The following UBE3B variants were observed in gnomAD, a reference collection of about 807,000 sequenced individuals.
UBE3B encodes ubiquitin-protein ligase E3B.
UBE3B carries 80 observed loss-of-function variants against 132.3 expected under a neutral mutation model. The ratio of observed to expected loss-of-function variants is 0.60; its 90% CI spans 0.50 to 0.73. The LOEUF (loss-of-function observed/expected upper bound fraction) is 0.73, where lower values mean the gene tolerates loss of function less well. Among genes scored for constraint, UBE3B ranks in the 30% least tolerant of loss-of-function variants. The probability of loss-of-function intolerance (pLI) is 0.00; values close to 1 mark genes in which losing one functional copy is unlikely to be tolerated. For missense variants in UBE3B, 1,196 were observed against 1,362.5 expected, an observed-to-expected ratio of 0.88 and a Z score of 1.92; for synonymous variants, 487 against 520.4, an observed-to-expected ratio of 0.94 and a Z score of 0.87.
At chr12:109,480,650 T>TAA (rs35317381) in intron 1 of UBE3B, among the ~76,000 whole-genome samples, 57 of 142,568 alleles carry the variant, frequency 4.0e-4, no homozygotes, top group Middle Eastern at 7.4e-3. Flanking sequence ...GACCCTGCCT[T>TAA]AAAAAAAAAA....
Position 109,513,294 on chromosome 12 carries a change from GTGGCCACTGGAGGTGC to G in UBE3B, c.1956+1994_1956+2009del, listed in dbSNP as rs370887582. On this transcript the variant is annotated intron_variant, in intron 18 of 27. Transcript: ENST00000342494. The stretch of plus-strand genomic sequence containing the variant: ...TGTTTCTCTGTGGTTCACGTGTGCT[GTGGCCACTGGAGGTGC>G]TGCACAATATTTTAAATTTCTGAGG... Among the ~76,000 whole-genome samples the G allele has an allele frequency of 8.1e-3, 1,240 of 152,278 alleles. 18 individuals are homozygous for G. Among genetic ancestry groups the G allele is most frequent in the African/African-American group, 0.028 (1,173 of 41,554 alleles).
rs1460724235 is a variant in UBE3B, at chr12:109,498,280, A to G, written c.867A>G (p.Ile289Met). The change falls in exon 11 of 28, where the codon ATA becomes ATG. Residue 289 changes from isoleucine (I) to methionine (M), a missense_variant. Ile to Met is a conservative substitution (Grantham distance 10). Transcript: ENST00000342494. The stretch of plus-strand genomic sequence containing the variant: ...ATGACATGCTTCGTAAATTCATCAT[A>G]TTTTTAAGAGACCAAGATCGATGCC... ...ESHDMLRKFI[I>M]FLRDQDRCRD... The G allele has an allele frequency of 6.2e-7, 1 of 1,614,076 alleles. No homozygotes were observed. Among genetic ancestry groups the G allele is most frequent in the Admixed American group, 1.7e-5 (1 of 60,020 alleles).
In UBE3B at chr12:109,509,647, A is replaced by C; in HGVS notation, c.1674A>C (p.Glu558Asp). 1 of 1,611,620 alleles carries C rather than the reference A, an allele frequency of 6.2e-7. No homozygotes were observed. The highest frequency in any genetic ancestry group is 1.1e-5 in the South Asian group (1 of 90,280). Reference sequence around the variant, plus strand: ...AAGAACAGATTTCATTCAAACTGGAAGAGCTGGTCACTATCTCCTCTTTCC... The same window carrying C: ...AAGAACAGATTTCATTCAAACTGGACGAGCTGGTCACTATCTCCTCTTTCC... ...VYEEQISFKL[E>D]ELVTISSFLN... Residue 558 changes from glutamate (E) to aspartate (D), a missense_variant, in exon 16 of 28, where the codon GAA (glutamate) becomes GAC (aspartate). By Grantham distance (45) the Glu-to-Asp change is conservative (BLOSUM62 2). Coordinates refer to ENST00000342494, the MANE Select transcript of UBE3B (RefSeq NM_130466.4).
chr12:109,509,606 G>C lies in UBE3B; in HGVS notation c.1633G>C (p.Asp545His). 1.3e-6 allele frequency: 2 copies of C among 1,597,160 alleles called. No individual in the cohort carries two copies. The highest frequency in any genetic ancestry group is 1.7e-6 in the Non-Finnish European group (2 of 1,174,826). ...CSRHLITILD[D>H]IEVYEEQISF... is the part of the protein sequence containing the mutation. ...TTCTCTCTGATTTAGAATCCTTGAT[G>C]ACATTGAAGTTTATGAAGAACAGAT... is the stretch of plus-strand genomic sequence containing the variant. The change falls in exon 16 of 28, where the codon GAC becomes CAC. Residue 545 changes from aspartate (D) to histidine (H), a missense_variant. Coordinates refer to ENST00000342494, the MANE Select transcript of UBE3B (RefSeq NM_130466.4).
chr12:109,490,377 G>A (rs1877259623), intron 8 of UBE3B: 1 of 1,495,894 alleles, frequency 6.7e-7, no homozygotes, highest in Non-Finnish European at 8.9e-7. Context: ...GTACCTTGTT[G>A]TGCCAGATCA....
chr12:109,484,414 T>A (rs1056267315), intron 4 of UBE3B, among the ~76,000 whole-genome samples: 1 of 152,128 alleles, frequency 6.6e-6, no homozygotes, highest in Non-Finnish European at 1.5e-5. Flanking sequence ...TTTTTTGAGA[T>A]GAAGTCTCTC....
chr12:109,486,384 A>G (rs1876425464), intron 5 of UBE3B, 87 bp from the exon 6 acceptor site: 6 of 1,102,180 alleles, frequency 5.4e-6, no homozygotes, highest in Non-Finnish European at 8.0e-6. Flanking sequence ...CACTGGACCT[A>G]ACTAATAGGT....
At chr12:109,532,575 T>C (rs139202163) in intron 26 of UBE3B, among the ~76,000 whole-genome samples, 2 of 152,330 alleles carry the variant, frequency 1.3e-5, no homozygotes, top group Non-Finnish European at 2.9e-5. Context: ...ACTGTTGAGT[T>C]AAAGTGAATG....
chr12:109,506,885 A>G (rs1879759378), intron 14 of UBE3B, among the ~76,000 whole-genome samples: 1 of 152,242 alleles, frequency 6.6e-6, no homozygotes, highest in Non-Finnish European at 1.5e-5. Context: ...GCTTCAATCA[A>G]TCACAGGTGG....
intron 24 of UBE3B, 59 bp downstream of exon 24, chr12:109,526,475 C>G: frequency 1.3e-6 from 2 of 1,526,494 alleles, no homozygotes; most frequent in South Asian, 1.1e-5. Flanking sequence ...TTCTGGCTCT[C>G]TGCGCTTATG....
chr12:109,482,196 T>C (rs1001382570), intron 2 of UBE3B, among the ~76,000 whole-genome samples: 1 of 152,230 alleles, frequency 6.6e-6, no homozygotes, highest in African/African-American at 2.4e-5. Context: ...TTAAATTTCT[T>C]TGTATGGATG....
Position 109,478,382 on chromosome 12 carries a change from C to G in UBE3B, c.-128+273C>G, listed in dbSNP as rs1248390553. On this transcript the variant is annotated intron_variant, in intron 1 of 27. Transcript: ENST00000342494. ...TAACTGTTTTGGATATACATGGATT[C>G]AGATTCAAAAGCATCCACCTTAGAT... Among the ~76,000 whole-genome samples, 4 of 152,142 alleles carry G rather than the reference C, an allele frequency of 2.6e-5. No individual in the cohort carries two copies. The East Asian group carries it at 7.7e-4, about 29-fold the overall frequency.
At position 109,534,441 on chromosome 12, in the gene UBE3B, C is replaced by A. The variant is rs529418891; in HGVS notation, c.3016-150C>A. ...CAGTCGTCTTGTGTCTGGGGCTTGA[C>A]CTCGGGTAGTGGTGCCAGGGCAGCG... On this transcript the variant is annotated intron_variant, in intron 27 of 27. Transcript: ENST00000342494. The surrounding 1 kb of genome is among the most constrained non-coding windows in gnomAD (Gnocchi z 5.2). 76 of 1,428,452 alleles carry A rather than the reference C, an allele frequency of 5.3e-5. No homozygotes were observed. In the East Asian group the frequency reaches 8.2e-4, roughly 15 times the overall value. The allele number at this position is 1,428,452 out of a possible 1,614,324, so 88.5% of individuals were successfully genotyped here. A position where few individuals can be genotyped will look rare whatever the true frequency, so the allele number is the denominator to read the frequency against.
intron 9 of UBE3B, among the ~76,000 whole-genome samples, chr12:109,494,043 C>T (rs1026843176): frequency 1.3e-5 from 2 of 152,108 alleles, no homozygotes; most frequent in Non-Finnish European, 2.9e-5. Flanking sequence ...CCAGGCTGGT[C>T]TCAAACTCCT....
In UBE3B at chr12:109,533,563, C is replaced by T; in HGVS notation, c.3015+5C>T. 6.2e-7 allele frequency: 1 copy of T among 1,612,306 alleles called. No homozygotes were observed. The highest frequency in any genetic ancestry group is 8.5e-7 in the Non-Finnish European group (1 of 1,179,442). On this transcript the variant is annotated splice_donor_5th_base_variant and intron_variant, in intron 27 of 27. Coordinates refer to ENST00000342494, the MANE Select transcript of UBE3B (RefSeq NM_130466.4). ...GTGGAGGTGTCGGACGATCAGGTAC[C>T]CCCACGGGGTGGGTGGGGAAGAGCC...
rs146283937 is a variant in UBE3B, at chr12:109,510,434, C to A, written c.1832C>A (p.Thr611Asn). The part of the protein sequence containing the change: ...LYERDCRRRF[T>N]PEDHWLRKDL... ...GAGCGGGACTGCCGGCGGCGCTTCA[C>A]CCCCGAGGACCACTGGCTGCGAAAG... is the stretch of plus-strand genomic sequence containing the variant. The change falls in exon 17 of 28, where the codon ACC becomes AAC. Residue 611 changes from threonine to asparagine, a missense_variant. By Grantham distance (65) the Thr-to-Asn change is moderately conservative. Coordinates refer to ENST00000342494, the MANE Select transcript of UBE3B (RefSeq NM_130466.4). 2.5e-6 allele frequency: 4 copies of A among 1,612,056 alleles called. No homozygotes were observed. Among genetic ancestry groups the A allele is most frequent in the African/African-American group, 2.7e-5 (2 of 74,884 alleles).
intron 4 of UBE3B, among the ~76,000 whole-genome samples, chr12:109,485,506 G>A (rs1393309344): frequency 6.6e-6 from 1 of 152,182 alleles, no homozygotes; most frequent in Non-Finnish European, 1.5e-5. Context: ...ATGGTTTAAG[G>A]GCGGATCCAG....
chr12:109,482,371 CTGTT>C lies in UBE3B; in HGVS notation c.-22+633_-22+636del, dbSNP rs559902667. On this transcript the variant is annotated intron_variant, in intron 2 of 27. Coordinates refer to ENST00000342494, the MANE Select transcript of UBE3B (RefSeq NM_130466.4). Reference sequence around the variant, plus strand: ...GGAGTCTCCATTATCTTATTCCACTCTGTTTGTCCATGTGGGCCCATTGTTTTGC... The same window carrying C: ...GGAGTCTCCATTATCTTATTCCACTCTGTCCATGTGGGCCCATTGTTTTGC... Among the ~76,000 whole-genome samples the C allele has an allele frequency of 1.1e-4, 16 of 152,276 alleles. No individual in the cohort carries two copies. In the East Asian group the frequency reaches 3.1e-3, roughly 29 times the overall value.
At chr12:109,495,715 T>G (rs1402635264) in intron 9 of UBE3B, among the ~76,000 whole-genome samples, 2 of 152,224 alleles carry the variant, frequency 1.3e-5, no homozygotes, top group Non-Finnish European at 2.9e-5. Context: ...AACAAAGGGA[T>G]GGGCCGAAAT....
Sources: gnomAD v4.1 joint callset for allele counts (sites outside exome capture counted in the v4.1 genomes callset) on GRCh38, gnomAD v4.1.1 for gene constraint, Gnocchi (gnomAD v3.1) non-coding constraint, MANE v1.5 for transcripts, NCBI Gene and HGNC (gene_info 2026-07-23, HGNC 2026-07-21) for gene names.